The following NUP43 variants were observed in gnomAD, a reference collection of about 807,000 sequenced individuals.
NUP43 encodes the protein nucleoporin Nup43.
Under a neutral mutation model 47.3 loss-of-function variants are expected in NUP43, and 32 were observed. The ratio of observed to expected loss-of-function variants is 0.68; its 90% CI spans 0.51 to 0.91. The LOEUF (loss-of-function observed/expected upper bound fraction) is 0.91. Among genes scored for constraint, NUP43 ranks in the 40% least tolerant of loss-of-function variants. The probability of loss-of-function intolerance (pLI) is 0.00; values close to 1 mark genes in which losing one functional copy is unlikely to be tolerated. For synonymous variants in NUP43, 147 were observed against 158.4 expected, an observed-to-expected ratio of 0.93 and a Z score of 0.54; for missense variants, 444 against 453.9, an observed-to-expected ratio of 0.98 and a Z score of 0.20.
In NUP43 at chr6:149,731,699, T is replaced by C; in HGVS notation, c.827A>G (p.His276Arg). 1.2e-6 allele frequency: 2 copies of C among 1,613,848 alleles called. No individual in the cohort carries two copies. Among genetic ancestry groups the C allele is most frequent in the South Asian group, 2.2e-5 (2 of 91,082 alleles). Residue 276 changes from histidine (H) to arginine (R), a missense_variant, in exon 7 of 8, where the codon CAT becomes CGT. Physicochemically the swap from His to Arg is conservative, Grantham distance 29 (BLOSUM62 0). Coordinates refer to ENST00000340413, the MANE Select transcript of NUP43 (RefSeq NM_198887.3). ...EVHFHPSNPEHLFTCSEDGSL... is the reference protein window; with the variant it reads ...EVHFHPSNPERLFTCSEDGSL... ...TCCATCTTCAGAGCAGGTAAAAAGA[T>C]GTTCTGGGTTGGATGGGTGAAAGTG... is the stretch of plus-strand genomic sequence containing the variant.
chr6:149,735,975 TAAAAA>T (rs75190982), intron 6 of NUP43, among the ~76,000 whole-genome samples: 1 of 117,212 alleles, frequency 8.5e-6, no homozygotes, highest in Non-Finnish European at 1.7e-5. Flanking sequence ...CCTGTCTCTT[TAAAAA>T]AAAAAAAAAA....
chr6:149,744,948 G>A (rs972935843), intron 2 of NUP43, among the ~76,000 whole-genome samples: 3 of 148,054 alleles, frequency 2.0e-5, no homozygotes, highest in Non-Finnish European at 3.0e-5. Context: ...TTTCGCTCTT[G>A]TTGCCCAAGC....
At chr6:149,742,003 C>T (rs1410007355) in intron 4 of NUP43, among the ~76,000 whole-genome samples, 2 of 152,036 alleles carry the variant, frequency 1.3e-5, no homozygotes, top group Admixed American at 1.3e-4. Context: ...GGATTACAGG[C>T]ATGCGCCACC....
At chr6:149,728,928 TA>T (rs1022508043) in intron 7 of NUP43, among the ~76,000 whole-genome samples, 4 of 152,210 alleles carry the variant, frequency 2.6e-5, no homozygotes, top group Non-Finnish European at 1.5e-5. Context: ...CTTTATTCTT[TA>T]TCCTCCTACT....
intron 6 of NUP43, 78 bp downstream of exon 6, chr6:149,736,393 G>A (rs1236878821): frequency 2.8e-5 from 27 of 956,660 alleles, no homozygotes; most frequent in African/African-American, 4.8e-5. Flanking sequence ...TGATCCACAT[G>A]TATCATTATG....
intron 4 of NUP43, among the ~76,000 whole-genome samples, chr6:149,740,508 A>G (rs1335396714): frequency 1.3e-5 from 2 of 152,042 alleles, no homozygotes; most frequent in Non-Finnish European, 2.9e-5. Flanking sequence ...GTGCGCCTGT[A>G]GTCCCAGCTC....
At chr6:149,747,416 T>C (rs1227457814), upstream of NUP43, among the ~76,000 whole-genome samples, 1 of 151,772 alleles carries the variant, frequency 6.6e-6, no homozygotes, top group African/African-American at 2.4e-5. Context: ...CCAGGGTAGC[T>C]GGGACTACAG....
intron 6 of NUP43, among the ~76,000 whole-genome samples, chr6:149,732,716 G>A (rs1433791503): frequency 6.6e-6 from 1 of 151,794 alleles, no homozygotes; most frequent in Non-Finnish European, 1.5e-5. Context: ...CGTGGTGGCA[G>A]GTGCCTGTAA....
At chr6:149,729,400 A>T (rs930463226) in intron 7 of NUP43, 1 of 328,926 alleles carries the variant, frequency 3.0e-6, no homozygotes, top group African/African-American at 2.2e-5. Flanking sequence ...CCTTGCCAAT[A>T]GCAGGTATTA....
At chr6:149,727,925 C>CT (rs1784866217) in intron 7 of NUP43, 3 of 984,094 alleles carry the variant, frequency 3.0e-6, no homozygotes, top group Non-Finnish European at 3.6e-6. Flanking sequence ...CAACAAATGA[C>CT]TGAGTACCTA....
intron 4 of NUP43, among the ~76,000 whole-genome samples, chr6:149,741,662 C>T (rs937525962): frequency 1.6e-4 from 24 of 151,686 alleles, no homozygotes; most frequent in African/African-American, 4.1e-4. Context: ...CACACCACCT[C>T]ACCCAGCTTA....
intron 7 of NUP43, chr6:149,727,906 T>A (rs889793479): frequency 9.1e-6 from 9 of 985,172 alleles, no homozygotes; most frequent in African/African-American, 1.7e-5. Flanking sequence ...AGTACAAATT[T>A]AATTCACTCA....
chr6:149,728,667 T>A (rs570775613), intron 7 of NUP43, among the ~76,000 whole-genome samples: 4 of 152,308 alleles, frequency 2.6e-5, no homozygotes, highest in African/African-American at 9.6e-5. Context: ...GTCCTTATCA[T>A]GGGCTACAAA....
chr6:149,727,601 C>A, intron 7 of NUP43: 3 of 840,220 alleles, frequency 3.6e-6, no homozygotes, highest in Non-Finnish European at 4.3e-6. Flanking sequence ...ATAAAATGAT[C>A]ATGAGAAAGA....
upstream of NUP43, among the ~76,000 whole-genome samples, chr6:149,747,432 C>T (rs930005550): frequency 7.9e-5 from 12 of 151,756 alleles, no homozygotes; most frequent in Admixed American, 7.2e-4. Context: ...TACAGGTGTG[C>T]GCCACCATGC....
rs1784849389 is a variant in NUP43 at position 149,727,622 on chromosome 6, A to G, written c.914-424T>C. 5.0e-6 allele frequency: 4 copies of G among 804,348 alleles called. No individual in the cohort carries two copies. The South Asian group carries it at 1.7e-4, about 34-fold the overall frequency. The allele number at this position is 804,348 out of a possible 1,614,324, so 49.8% of individuals were successfully genotyped here. On this transcript the variant is annotated intron_variant, in intron 7 of 7. Coordinates refer to ENST00000340413, the MANE Select transcript of NUP43 (RefSeq NM_198887.3). The stretch of plus-strand genomic sequence containing the variant: ...TGATCATGAGAAAGAATTTCTAGAC[A>G]TATTTCTAGATGAACATTTCTAGAA...
intron 4 of NUP43, among the ~76,000 whole-genome samples, chr6:149,740,162 C>T (rs1384531218): frequency 6.6e-6 from 1 of 150,560 alleles, no homozygotes; most frequent in African/African-American, 2.5e-5. Context: ...TGTAGTCCCA[C>T]ATCCCTGGAA....
chr6:149,745,487 C>G (rs190926991), intron 2 of NUP43, among the ~76,000 whole-genome samples: 1 of 151,846 alleles, frequency 6.6e-6, no homozygotes, highest in East Asian at 1.9e-4. Flanking sequence ...TTCACTAAAT[C>G]GTGGTAAATC....
In NUP43 at chr6:149,727,691, T is replaced by C. The variant is rs138889725; in HGVS notation, c.914-493A>G. ...ATTTGTTACTATATTTCTTAAAATA[T>C]AATCGCCTTACCTCAAATCTTTCAT... On this transcript the variant is annotated intron_variant, in intron 7 of 7. Coordinates refer to ENST00000340413, the MANE Select transcript of NUP43 (RefSeq NM_198887.3). 4 of 917,572 alleles carry C rather than the reference T, an allele frequency of 4.4e-6. No homozygotes were observed. The East Asian group carries it at 3.5e-4, about 81-fold the overall frequency. 56.8% of individuals were successfully genotyped at this position (917,572 alleles called of 1,614,324 possible). A position where few individuals can be genotyped will look rare whatever the true frequency, so the allele number is the denominator to read the frequency against.
Sources: allele counts gnomAD v4.1 joint callset (sites outside exome capture counted in the v4.1 genomes callset), GRCh38; gene constraint gnomAD v4.1.1; transcripts MANE v1.5; gene names NCBI Gene and HGNC (gene_info 2026-07-23, HGNC 2026-07-21).